Variants in ANKRD45 observed in about 807,000 individuals in gnomAD.
The protein encoded by ANKRD45 is ankyrin repeat domain 45.
A neutral mutation model predicts 28.1 loss-of-function variants in ANKRD45; 21 were observed. The ratio of observed to expected loss-of-function variants is 0.75; its 90% confidence interval spans 0.53 to 1.08. The LOEUF (loss-of-function observed/expected upper bound fraction) is 1.08. Among genes scored for constraint, ANKRD45 ranks in the 50% least tolerant of loss-of-function variants. The pLI is 0.00. For missense variants in ANKRD45, 261 were observed against 308.7 expected (o/e 0.85, Z 1.16); for synonymous variants, 86 against 103.9 (o/e 0.83, Z 1.05).
the ANKRD45 span, among the ~76,000 whole-genome samples, chr1:173,676,409 A>C: frequency 6.6e-6 from 1 of 152,210 alleles, no homozygotes; most frequent in East Asian, 1.9e-4. Context: ...ACAAAGGATC[A>C]GCAACGTTTT....
intron 1 of ANKRD45, among the ~76,000 whole-genome samples, chr1:173,663,918 T>C (rs1279012330): frequency 1.3e-5 from 2 of 152,226 alleles, no homozygotes; most frequent in Non-Finnish European, 2.9e-5. Flanking sequence ...ATACATGGCA[T>C]ATATGGCTAT....
chr1:173,699,309 CT>C, the ANKRD45 span, among the ~76,000 whole-genome samples: 1 of 152,174 alleles, frequency 6.6e-6, no homozygotes, highest in African/African-American at 2.4e-5. Context: ...AGAATCCTCC[CT>C]AACTCATTTT....
chr1:173,623,644 A>G lies in ANKRD45; in HGVS notation c.730+1143T>C, dbSNP rs991159465. Among the ~76,000 whole-genome samples the G allele has an allele frequency of 2.6e-5, 4 of 152,330 alleles. No homozygotes were observed. The South Asian group carries it at 8.3e-4, about 32-fold the overall frequency. On this transcript the variant is annotated intron_variant, in intron 5 of 5. Coordinates refer to ENST00000333279, the MANE Select transcript of ANKRD45 (RefSeq NM_198493.3). ...AAGGGAATATAAATCATTCTATTAT[A>G]AAGATATATGCATGTGTATGTTCAT...
At chr1:173,639,370 T>G (rs1241843543) in intron 3 of ANKRD45, among the ~76,000 whole-genome samples, 1 of 152,178 alleles carries the variant, frequency 6.6e-6, no homozygotes, top group African/African-American at 2.4e-5. Flanking sequence ...AAGCTGCTGT[T>G]TCTTCTAAAA....
At chr1:173,649,377 T>G (rs1031862387) in intron 2 of ANKRD45, among the ~76,000 whole-genome samples, 2 of 152,194 alleles carry the variant, frequency 1.3e-5, no homozygotes, top group Non-Finnish European at 1.5e-5. Context: ...TGTTTAATCC[T>G]GTCAAATATT....
chr1:173,615,792 G>A (rs1489612680), intron 5 of ANKRD45, among the ~76,000 whole-genome samples: 1 of 152,080 alleles, frequency 6.6e-6, no homozygotes, highest in Non-Finnish European at 1.5e-5. Flanking sequence ...AAACCCAAAT[G>A]TCCATCAATT....
At chr1:173,713,555 T>TC in the ANKRD45 span, among the ~76,000 whole-genome samples, 1 of 152,272 alleles carries the variant, frequency 6.6e-6, no homozygotes, top group South Asian at 2.1e-4. Context: ...ATATGCAACT[T>TC]CCCCAATTAC....
intron 4 of ANKRD45, among the ~76,000 whole-genome samples, chr1:173,625,697 A>T (rs1268289105): frequency 6.6e-6 from 1 of 151,830 alleles, no homozygotes; most frequent in African/African-American, 2.4e-5. Flanking sequence ...AAGGAAAAAA[A>T]GTAAAATTAA....
intron 4 of ANKRD45, among the ~76,000 whole-genome samples, chr1:173,626,766 T>G (rs752372181): frequency 2.0e-5 from 3 of 152,198 alleles, no homozygotes; most frequent in Non-Finnish European, 4.4e-5. Context: ...GTCTATGTAG[T>G]CTTTGATAAT....
chr1:173,633,576 T>A (rs1668287594), intron 3 of ANKRD45, among the ~76,000 whole-genome samples: 1 of 152,020 alleles, frequency 6.6e-6, no homozygotes, highest in African/African-American at 2.4e-5. Flanking sequence ...ACTGAAGGAA[T>A]CACATTACTT....
the ANKRD45 span, among the ~76,000 whole-genome samples, chr1:173,697,107 A>T: frequency 6.6e-6 from 1 of 152,222 alleles, no homozygotes; most frequent in African/African-American, 2.4e-5. Flanking sequence ...CAAGAAGAGA[A>T]GTTTAGAGAA....
At chr1:173,698,127 A>C in the ANKRD45 span, among the ~76,000 whole-genome samples, 1 of 152,220 alleles carries the variant, frequency 6.6e-6, no homozygotes. Context: ...TTCTATACAT[A>C]TATATCTGCA....
chr1:173,714,916 A>C, the ANKRD45 span: 2 of 152,276 alleles, frequency 1.3e-5, no homozygotes, highest in African/African-American at 4.8e-5. Flanking sequence ...CGATTTAAGA[A>C]TAGGACTACT....
At chr1:173,654,659 G>T (rs1055716201) in intron 2 of ANKRD45, among the ~76,000 whole-genome samples, 2 of 152,074 alleles carry the variant, frequency 1.3e-5, no homozygotes, top group Non-Finnish European at 2.9e-5. Context: ...GCTAGGTTGG[G>T]GAAGTTCTCC....
chr1:173,624,318 C>A (rs1667828985), intron 5 of ANKRD45, among the ~76,000 whole-genome samples: 1 of 151,712 alleles, frequency 6.6e-6, no homozygotes. Flanking sequence ...CATAGCAAGA[C>A]CCTATCTCCA....
At chr1:173,640,042 C>A (rs1399883435) in intron 3 of ANKRD45, among the ~76,000 whole-genome samples, 5 of 152,116 alleles carry the variant, frequency 3.3e-5, no homozygotes, top group African/African-American at 1.2e-4. Flanking sequence ...CAAATTAGTT[C>A]TAGAAACTCA....
intron 3 of ANKRD45, among the ~76,000 whole-genome samples, chr1:173,640,482 C>T (rs2102348467): frequency 6.6e-6 from 1 of 152,166 alleles, no homozygotes; most frequent in East Asian, 1.9e-4. Context: ...TCATGGGTTG[C>T]TGTACCAGGA....
Position 173,610,156 on chromosome 1 carries a change from T to C in ANKRD45, c.790A>G (p.Thr264Ala), listed in dbSNP as rs769342038. ...SHDQKRSQDD[T>A]SN ...TACAGAACGTATGTTCAGTTGGAGG[T>C]ATCATCTTGACTTCTCTTCTGGTCA... Residue 264 changes from threonine (T) to alanine (A), a missense_variant, in exon 6 of 6, where the codon ACC (threonine) becomes GCC (alanine). By Grantham distance (58) the Thr-to-Ala change is moderately conservative. Coordinates refer to ENST00000333279, the MANE Select transcript of ANKRD45 (RefSeq NM_198493.3). The C allele has an allele frequency of 2.5e-5, 41 of 1,614,100 alleles. No individual in the cohort carries two copies. The highest frequency in any genetic ancestry group is 3.5e-5 in the Non-Finnish European group (41 of 1,179,954).
upstream of ANKRD45, among the ~76,000 whole-genome samples, chr1:173,670,892 G>T (rs755045270): frequency 6.6e-6 from 1 of 152,172 alleles, no homozygotes; most frequent in African/African-American, 2.4e-5. Context: ...GGACTTAGAG[G>T]CATGAAGAAC....
Sources: gnomAD v4.1 joint callset for allele counts (sites outside exome capture counted in the v4.1 genomes callset) on GRCh38, gnomAD v4.1.1 for gene constraint, MANE v1.5 for transcripts, NCBI Gene and HGNC (gene_info 2026-07-23, HGNC 2026-07-21) for gene names.